The following CSMD3 variants were observed in gnomAD, a reference collection of about 807,000 sequenced individuals.
The protein encoded by CSMD3 is CUB and sushi domain-containing protein 3.
CSMD3 carries 177 observed loss-of-function variants against 435.2 expected under a neutral mutation model. That is an observed-to-expected ratio of 0.41 (90% confidence interval 0.36 to 0.46). The LOEUF (loss-of-function observed/expected upper bound fraction) is 0.46. Ranked by LOEUF, CSMD3 falls within the 20% of genes least tolerant of loss-of-function variation. The pLI is 0.34. For missense variants in CSMD3, 4,265 were observed against 4,504.6 expected (o/e 0.95, Z 1.52); for synonymous variants, 1,656 against 1,520.5 (o/e 1.09, Z -2.07).
chr8:112,412,162 G>A (rs981202293), intron 32 of CSMD3, among the ~76,000 whole-genome samples: 1 of 151,778 alleles, frequency 6.6e-6, no homozygotes, highest in Non-Finnish European at 1.5e-5. Context: ...TTATTTAACT[G>A]GGAGTTAAAT....
rs148862652 is a variant in CSMD3, at chr8:113,229,203, TACTC to T, written c.514+49385_514+49388del. On this transcript the variant is annotated intron_variant, in intron 3 of 70. Coordinates refer to ENST00000297405, the MANE Select transcript of CSMD3 (RefSeq NM_198123.2). ...ATAGTTACATATGAAAAGCCACAGA[TACTC>T]AGTACAGTGTAAAATTATGTGGTGC... Among the ~76,000 whole-genome samples, 574 of 151,816 alleles carry T rather than the reference TACTC, an allele frequency of 3.8e-3. 5 individuals carry two copies. The highest frequency in any genetic ancestry group is 0.013 in the African/African-American group (536 of 41,498).
intron 13 of CSMD3, among the ~76,000 whole-genome samples, chr8:112,738,232 A>G (rs2077228268): frequency 6.6e-6 from 1 of 151,760 alleles, no homozygotes; most frequent in Admixed American, 6.6e-5. Context: ...CTAACCATTC[A>G]TTTTATAAAG....
At chr8:112,247,164 C>T (rs2130159998) in intron 63 of CSMD3, 33 bp from the exon 64 acceptor site, 2 of 1,327,276 alleles carry the variant, frequency 1.5e-6, no homozygotes, top group Non-Finnish European at 2.2e-6. Context: ...AAAAAATATT[C>T]CCCTACAACT....
At chr8:113,032,837 T>G (rs117329146) in intron 5 of CSMD3, among the ~76,000 whole-genome samples, 1 of 151,404 alleles carries the variant, frequency 6.6e-6, no homozygotes, top group East Asian at 1.9e-4. Flanking sequence ...AAAAATGGCT[T>G]CCTGGGCTGC....
intron 13 of CSMD3, among the ~76,000 whole-genome samples, chr8:112,693,581 A>C (rs1315556329): frequency 6.6e-6 from 1 of 151,974 alleles, no homozygotes; most frequent in Non-Finnish European, 1.5e-5. Flanking sequence ...TTCTTTTAAG[A>C]GCTAGGATTC....
chr8:113,081,271 T>A (rs2089552947), intron 5 of CSMD3, among the ~76,000 whole-genome samples: 1 of 152,182 alleles, frequency 6.6e-6, no homozygotes. Flanking sequence ...CCATGTTCAC[T>A]GTGAAGCCTC....
intron 5 of CSMD3, among the ~76,000 whole-genome samples, chr8:113,021,737 C>T (rs1369191247): frequency 1.3e-5 from 2 of 152,170 alleles, no homozygotes; most frequent in East Asian, 3.8e-4. Flanking sequence ...TGTGTAACTG[C>T]AGTTTGCAAC....
At chr8:113,034,693 T>C (rs4876507) in intron 5 of CSMD3, among the ~76,000 whole-genome samples, 88,678 of 151,842 alleles carry the variant, frequency 0.58, 27,089 homozygotes, top group East Asian at 0.95. Flanking sequence ...ATGTAAATTA[T>C]ATCTCAGCAA....
At chr8:112,988,094 T>C (rs903914740) in intron 6 of CSMD3, among the ~76,000 whole-genome samples, 4 of 151,982 alleles carry the variant, frequency 2.6e-5, no homozygotes, top group Admixed American at 6.6e-5. Flanking sequence ...ATAGAAAATA[T>C]GGGTTTGGAC....
chr8:112,595,122 A>C (rs1246039772), intron 22 of CSMD3, among the ~76,000 whole-genome samples: 2 of 148,338 alleles, frequency 1.3e-5, no homozygotes, highest in African/African-American at 4.9e-5. Context: ...TTTGAAAAAA[A>C]TTTAGAAGAA....
intron 24 of CSMD3, among the ~76,000 whole-genome samples, chr8:112,566,830 T>G (rs1829100539): frequency 6.6e-6 from 1 of 152,076 alleles, no homozygotes; most frequent in South Asian, 2.1e-4. Context: ...GCAGCCAGCT[T>G]CTGGTGTGTT....
intron 32 of CSMD3, among the ~76,000 whole-genome samples, chr8:112,461,518 T>C (rs1817445113): frequency 6.6e-6 from 1 of 152,094 alleles, no homozygotes; most frequent in African/African-American, 2.4e-5. Flanking sequence ...GCAAGAAATG[T>C]TTACTCTCTA....
intron 41 of CSMD3, 152 bp from the exon 42 acceptor site, chr8:112,341,838 G>T (rs1270476916): frequency 2.4e-5 from 16 of 670,950 alleles, no homozygotes; most frequent in Non-Finnish European, 3.5e-5. Flanking sequence ...TTTGCTGTCT[G>T]CCTAGGACAG....
At chr8:112,299,948 G>T (rs1820747848) in intron 53 of CSMD3, among the ~76,000 whole-genome samples, 1 of 151,034 alleles carries the variant, frequency 6.6e-6, no homozygotes, top group African/African-American at 2.4e-5. Context: ...ATTCTAAGTA[G>T]GTGAATAAAA....
chr8:113,129,658 G>T (rs761762732), intron 4 of CSMD3, among the ~76,000 whole-genome samples: 3 of 152,114 alleles, frequency 2.0e-5, no homozygotes, highest in Non-Finnish European at 4.4e-5. Context: ...AAAATCACAG[G>T]ACACTGTGAG....
chr8:113,132,985 G>C (rs1384275884), intron 4 of CSMD3, among the ~76,000 whole-genome samples: 2 of 152,052 alleles, frequency 1.3e-5, no homozygotes, highest in Non-Finnish European at 2.9e-5. Flanking sequence ...TCATTATCAG[G>C]ATGATGGATA....
Position 113,436,894 on chromosome 8 carries a change from G to T in CSMD3, c.-40C>A. On this transcript the variant is annotated 5_prime_UTR_variant, in exon 1 of 71. Transcript: ENST00000297405. ...CCTAATTCCTGCTCCTCAGCCCGGC[G>T]CAGTGGAGTTGTTGCTGTTGTTGGT... The T allele has an allele frequency of 1.2e-6, 2 of 1,610,674 alleles. No individual in the cohort carries two copies. Among genetic ancestry groups the T allele is most frequent in the South Asian group, 2.2e-5 (2 of 90,970 alleles).
chr8:113,109,579 T>C (rs981272947), intron 4 of CSMD3, among the ~76,000 whole-genome samples: 1 of 152,210 alleles, frequency 6.6e-6, no homozygotes, highest in Non-Finnish European at 1.5e-5. Context: ...TAATATTCTT[T>C]GGCTCAATGT....
At chr8:113,256,621 T>C (rs2093382820) in intron 3 of CSMD3, among the ~76,000 whole-genome samples, 1 of 152,186 alleles carries the variant, frequency 6.6e-6, no homozygotes, top group South Asian at 2.1e-4. Flanking sequence ...AGAAACCTCA[T>C]TTAGAGCAGA....
Sources: allele counts gnomAD v4.1 joint callset (sites outside exome capture counted in the v4.1 genomes callset), GRCh38; gene constraint gnomAD v4.1.1; transcripts MANE v1.5; gene names NCBI Gene and HGNC (gene_info 2026-07-23, HGNC 2026-07-21).